MOB3B: variants seen among roughly 807,000 people sequenced by gnomAD.
The protein encoded by MOB3B is MOB kinase activator-like 2B.
A neutral mutation model predicts 18.7 loss-of-function variants in MOB3B; 7 were observed. That is an observed-to-expected ratio of 0.37 (90% CI 0.21 to 0.70). The LOEUF (loss-of-function observed/expected upper bound fraction) is 0.70, where lower values mean the gene tolerates loss of function less well. Among genes scored for constraint, MOB3B ranks in the 30% least tolerant of loss-of-function variants. The probability of loss-of-function intolerance (pLI) is 0.52; values close to 1 mark genes in which losing one functional copy is unlikely to be tolerated. For missense variants in MOB3B, 253 were observed against 281.3 expected (o/e 0.90, Z 0.72); for synonymous variants, 111 against 99.9 (o/e 1.11, Z -0.66).
At chr9:27,381,124 T>C (rs1821571753) in intron 2 of MOB3B, among the ~76,000 whole-genome samples, 1 of 152,176 alleles carries the variant, frequency 6.6e-6, no homozygotes, top group African/African-American at 2.4e-5. Flanking sequence ...ATGGAGGTGC[T>C]GCTGAATGGT....
intron 2 of MOB3B, among the ~76,000 whole-genome samples, chr9:27,406,767 C>T (rs1821985721): frequency 6.6e-6 from 1 of 151,874 alleles, no homozygotes; most frequent in African/African-American, 2.4e-5. Context: ...TAATCGAAGA[C>T]CTGAAGCTAT....
At chr9:27,425,323 C>G in intron 2 of MOB3B, among the ~76,000 whole-genome samples, 1 of 149,528 alleles carries the variant, frequency 6.7e-6, no homozygotes, top group African/African-American at 2.5e-5. Context: ...TGCGGTGAGC[C>G]GAGAGCGCGC....
At chr9:27,360,267 G>A (rs1481638051) in intron 2 of MOB3B, among the ~76,000 whole-genome samples, 1 of 152,180 alleles carries the variant, frequency 6.6e-6, no homozygotes, top group Non-Finnish European at 1.5e-5. Flanking sequence ...ACTTTGGGAG[G>A]CTGAGGCAGG....
At chr9:27,508,686 G>T (rs1338993567) in intron 1 of MOB3B, among the ~76,000 whole-genome samples, 1 of 152,156 alleles carries the variant, frequency 6.6e-6, no homozygotes, top group African/African-American at 2.4e-5. Context: ...ATCAAAGGGA[G>T]TCTCAGACAG....
At chr9:27,434,798 G>C (rs1210798932) in intron 2 of MOB3B, among the ~76,000 whole-genome samples, 1 of 152,058 alleles carries the variant, frequency 6.6e-6, no homozygotes. Flanking sequence ...TTCCACACTT[G>C]AGTTGAGGCT....
chr9:27,484,874 A>C (rs999994892), intron 1 of MOB3B, among the ~76,000 whole-genome samples: 6 of 152,200 alleles, frequency 3.9e-5, no homozygotes, highest in African/African-American at 1.4e-4. Flanking sequence ...CCACACAGTC[A>C]GGTTGAGGTA....
chr9:27,405,361 C>T (rs1386697125), intron 2 of MOB3B, among the ~76,000 whole-genome samples: 2 of 152,048 alleles, frequency 1.3e-5, no homozygotes, highest in Non-Finnish European at 2.9e-5. Context: ...CTGCCTTGGC[C>T]TCCCAAAGTG....
rs565403751 is a variant in MOB3B, at chr9:27,454,656, A to G, written c.418+477T>C. Among the ~76,000 whole-genome samples, 332 of 152,348 alleles carry G rather than the reference A, an allele frequency of 2.2e-3. 2 individuals are homozygous for G. Among genetic ancestry groups the G allele is most frequent in the African/African-American group, 7.7e-3 (319 of 41,590 alleles). On this transcript the variant is annotated intron_variant, in intron 2 of 3. Transcript: ENST00000262244. ...TTAACAACCTATGATTAGAAGAGGG[A>G]GGAGAATTTCAGGATCTCTTTCTCC...
chr9:27,446,693 C>T (rs760087962), intron 2 of MOB3B, among the ~76,000 whole-genome samples: 4 of 152,178 alleles, frequency 2.6e-5, no homozygotes, highest in Admixed American at 6.5e-5. Context: ...GCTCTATGTC[C>T]TAGCATTGTG....
At chr9:27,341,040 A>G (rs1164580870) in intron 3 of MOB3B, among the ~76,000 whole-genome samples, 2 of 152,208 alleles carry the variant, frequency 1.3e-5, no homozygotes, top group Non-Finnish European at 2.9e-5. Context: ...AGGGTTGTGC[A>G]GTTCCTTAAA....
At chr9:27,404,701 A>G (rs1011577286) in intron 2 of MOB3B, among the ~76,000 whole-genome samples, 1 of 152,102 alleles carries the variant, frequency 6.6e-6, no homozygotes, top group African/African-American at 2.4e-5. Flanking sequence ...GGTTGACTCC[A>G]TATCTTGGCT....
Position 27,481,520 on chromosome 9 carries a change from G to GTTT in MOB3B, c.-198-25775_-198-25773dup, listed in dbSNP as rs1224985717. Among the ~76,000 whole-genome samples, 420 of 91,716 alleles carry GTTT rather than the reference G, an allele frequency of 4.6e-3. 11 individuals are homozygous for GTTT. Among genetic ancestry groups the GTTT allele is most frequent in the African/African-American group, 0.014 (398 of 28,194 alleles). The allele number at this position is 91,716 out of a possible 152,430, so 60.2% of individuals were successfully genotyped here. A position where few individuals can be genotyped will look rare whatever the true frequency, so the allele number is the denominator to read the frequency against. ...TAGTTTTTTTTTTTTTGTTTTTTTT[G>GTTT]TTTTTTTTTTTTTTTGAGACGGAGT... On this transcript the variant is annotated intron_variant, in intron 1 of 3. Transcript: ENST00000262244.
At chr9:27,483,393 A>G (rs1298512864) in intron 1 of MOB3B, among the ~76,000 whole-genome samples, 1 of 152,112 alleles carries the variant, frequency 6.6e-6, no homozygotes, top group Non-Finnish European at 1.5e-5. Flanking sequence ...CGGCCTCCCA[A>G]AGTGCTGGGA....
chr9:27,346,992 T>C (rs916051289), intron 3 of MOB3B, among the ~76,000 whole-genome samples: 1 of 152,068 alleles, frequency 6.6e-6, no homozygotes, highest in African/African-American at 2.4e-5. Context: ...CAAGACTCTA[T>C]CTCAAAATAA....
At chr9:27,473,547 G>A (rs1457109919) in intron 1 of MOB3B, among the ~76,000 whole-genome samples, 1 of 152,102 alleles carries the variant, frequency 6.6e-6, no homozygotes, top group Non-Finnish European at 1.5e-5. Flanking sequence ...AGGGCCATGG[G>A]CCTCTGGGGC....
rs1036254315 is a variant in MOB3B, at chr9:27,341,259, G to A, written c.622-10643C>T. Among the ~76,000 whole-genome samples the A allele has an allele frequency of 4.6e-5, 7 of 152,168 alleles. No homozygotes were observed. The East Asian group carries it at 9.6e-4, about 21-fold the overall frequency. The stretch of plus-strand genomic sequence containing the variant: ...GACATGCAAGAAACGCTGAACAAAC[G>A]GTTTGTCCTTTTGGAGGGAGTATTC... On this transcript the variant is annotated intron_variant, in intron 3 of 3. Coordinates refer to ENST00000262244, the MANE Select transcript of MOB3B (RefSeq NM_024761.5).
chr9:27,333,976 T>G (rs1820826509), intron 3 of MOB3B, among the ~76,000 whole-genome samples: 1 of 152,228 alleles, frequency 6.6e-6, no homozygotes, highest in Admixed American at 6.5e-5. Flanking sequence ...TTTTCTGCCC[T>G]TCTCTGCCTG....
intron 2 of MOB3B, among the ~76,000 whole-genome samples, chr9:27,379,550 G>A (rs186736749): frequency 7.4e-4 from 112 of 152,218 alleles, no homozygotes; most frequent in Non-Finnish European, 1.4e-3. Flanking sequence ...TCCTGCCCAA[G>A]GTCACACCCC....
Position 27,359,190 on chromosome 9 carries a change from C to A in MOB3B, c.465G>T (p.Leu155=). 6.2e-7 allele frequency: 1 copy of A among 1,614,124 alleles called. No individual in the cohort carries two copies. Among genetic ancestry groups the A allele is most frequent in the Non-Finnish European group, 8.5e-7 (1 of 1,180,036 alleles). ...KNFLQICKKI[L]CRLFRVFVHV... The stretch of plus-strand genomic sequence containing the variant: ...GGACAAAGACCCGGAAAAGGCGGCA[C>A]AGGATCTTCTTGCAGATCTGAAGGA... Residue 155 remains leucine (L), a synonymous_variant, in exon 3 of 4, where the codon CTG becomes CTT. Transcript: ENST00000262244.
Sources: gnomAD v4.1 joint callset for allele counts (sites outside exome capture counted in the v4.1 genomes callset) on GRCh38, gnomAD v4.1.1 for gene constraint, MANE v1.5 for transcripts, NCBI Gene and HGNC (gene_info 2026-07-23, HGNC 2026-07-21) for gene names.